PRKAA2: variants seen among roughly 807,000 people sequenced by gnomAD.
PRKAA2 encodes the protein protein kinase AMP-activated catalytic subunit alpha 2.
PRKAA2 carries 40 observed loss-of-function variants against 56.3 expected under a neutral mutation model. That is an observed-to-expected ratio of 0.71 (90% CI 0.55 to 0.92). The LOEUF (loss-of-function observed/expected upper bound fraction) is 0.92. Ranked by LOEUF, PRKAA2 falls within the 40% of genes least tolerant of loss-of-function variation. The pLI is 0.00. For missense variants in PRKAA2, 542 were observed against 686.9 expected, an observed-to-expected ratio of 0.79 and a Z score of 2.36; for synonymous variants, 214 against 234.2, an observed-to-expected ratio of 0.91 and a Z score of 0.79.
rs1643971052 is a variant in PRKAA2 at position 56,659,066 on chromosome 1, G to A, written c.94+13585G>A. ...GATCCTCTCGCCTGGGCCTCCCAAA[G>A]TGCTTGGATTACAGGCATGAACCAC... On this transcript the variant is annotated intron_variant, in intron 1 of 8. Coordinates refer to ENST00000371244, the MANE Select transcript of PRKAA2 (RefSeq NM_006252.4). Among the ~76,000 whole-genome samples, 3 of 151,096 alleles carry A rather than the reference G, an allele frequency of 2.0e-5. No homozygotes were observed. In the South Asian group the frequency reaches 6.3e-4, roughly 32 times the overall value.
chr1:56,698,625 A>G (rs1644274486), intron 6 of PRKAA2, among the ~76,000 whole-genome samples: 1 of 152,220 alleles, frequency 6.6e-6, no homozygotes, highest in Admixed American at 6.5e-5. Context: ...AAATTGTTAC[A>G]TCAGTTCTGT....
intron 1 of PRKAA2, among the ~76,000 whole-genome samples, chr1:56,662,154 T>G (rs910687575): frequency 4.6e-5 from 7 of 152,140 alleles, no homozygotes; most frequent in African/African-American, 1.7e-4. Context: ...GTCTTACATA[T>G]AGTCATTTGT....
chr1:56,673,545 G>C (rs867167227), intron 1 of PRKAA2, among the ~76,000 whole-genome samples: 3 of 152,128 alleles, frequency 2.0e-5, no homozygotes, highest in Admixed American at 1.3e-4. Flanking sequence ...TGACAAATTT[G>C]TTCTTCGACT....
intron 7 of PRKAA2, among the ~76,000 whole-genome samples, chr1:56,705,048 TATTTGA>T (rs954753156): frequency 1.1e-4 from 16 of 152,220 alleles, no homozygotes; most frequent in Admixed American, 6.5e-4. Flanking sequence ...ATTTGAGTTC[TATTTGA>T]ATATATGTGT....
At chr1:56,669,371 A>G (rs746247835) in intron 1 of PRKAA2, among the ~76,000 whole-genome samples, 1 of 152,024 alleles carries the variant, frequency 6.6e-6, no homozygotes, top group Non-Finnish European at 1.5e-5. Flanking sequence ...AGGCAGGAGA[A>G]TCACTTGAAC....
chr1:56,705,735 C>T (rs1178440677), intron 7 of PRKAA2, among the ~76,000 whole-genome samples: 1 of 152,178 alleles, frequency 6.6e-6, no homozygotes, highest in Non-Finnish European at 1.5e-5. Context: ...CATCCATGAA[C>T]ATGTTCAGGC....
intron 1 of PRKAA2, among the ~76,000 whole-genome samples, chr1:56,672,162 G>A (rs1288347262): frequency 2.0e-5 from 3 of 152,112 alleles, no homozygotes; most frequent in Non-Finnish European, 4.4e-5. Context: ...CTGTCACCCA[G>A]GCTGTATTGC....
At chr1:56,656,853 G>A (rs1227619239) in intron 1 of PRKAA2, among the ~76,000 whole-genome samples, 1 of 152,158 alleles carries the variant, frequency 6.6e-6, no homozygotes, top group Non-Finnish European at 1.5e-5. Flanking sequence ...TAAAACTGAT[G>A]TAACATTACC....
At chr1:56,694,719 G>A (rs1644247927) in intron 5 of PRKAA2, among the ~76,000 whole-genome samples, 1 of 152,002 alleles carries the variant, frequency 6.6e-6, no homozygotes, top group East Asian at 1.9e-4. Context: ...CTCTGCACTA[G>A]TGACCTAATC....
At chr1:56,678,990 A>G (rs540590169) in intron 2 of PRKAA2, among the ~76,000 whole-genome samples, 194 of 152,268 alleles carry the variant, frequency 1.3e-3, no homozygotes, top group African/African-American at 4.5e-3. Context: ...CACCATGCCC[A>G]GCCTAATTCT....
At chr1:56,677,704 T>C (rs1644123392) in intron 2 of PRKAA2, among the ~76,000 whole-genome samples, 1 of 150,980 alleles carries the variant, frequency 6.6e-6, no homozygotes, top group South Asian at 2.1e-4. Flanking sequence ...TTGCCCAGGC[T>C]GGAGTGCAGT....
chr1:56,645,740 A>G (rs1646635291), intron 1 of PRKAA2, among the ~76,000 whole-genome samples: 1 of 152,044 alleles, frequency 6.6e-6, no homozygotes, highest in African/African-American at 2.4e-5. Flanking sequence ...TTCCGCGCCC[A>G]TCTGCCTTTC....
chr1:56,699,188 A>G, intron 6 of PRKAA2, among the ~76,000 whole-genome samples: 1 of 152,212 alleles, frequency 6.6e-6, no homozygotes. Context: ...TGTCTAGAAC[A>G]TAATATTAGC....
intron 6 of PRKAA2, among the ~76,000 whole-genome samples, chr1:56,700,122 C>T (rs1009294079): frequency 5.3e-5 from 8 of 151,998 alleles, no homozygotes; most frequent in South Asian, 2.1e-4. Context: ...TTATAATTGT[C>T]GTATGTTGTT....
At position 56,711,357 on chromosome 1, in the gene PRKAA2, C is replaced by G. The variant is rs1644367756; in HGVS notation, c.*3644C>G. 6.6e-6 allele frequency: 1 copy of G among 152,056 alleles called. No individual in the cohort carries two copies. The highest frequency in any genetic ancestry group is 2.4e-5 in the African/African-American group (1 of 41,402). The allele number at this position is 152,056 out of a possible 1,614,324, so 9.4% of individuals were successfully genotyped here. The stretch of plus-strand genomic sequence containing the variant: ...TTGATCTGTTTGGATTTATCTGTAG[C>G]ATTGAATAATGTGCAGTGTACTGAG... On this transcript the variant is annotated 3_prime_UTR_variant, in exon 9 of 9. Transcript: ENST00000371244.
chr1:56,697,005 G>T (rs529513742), intron 6 of PRKAA2, among the ~76,000 whole-genome samples: 1 of 27,540 alleles, frequency 3.6e-5, no homozygotes, highest in African/African-American at 1.2e-4. Context: ...TCATTAGCCA[G>T]CAAAGAATTT....
At position 56,658,356 on chromosome 1, in the gene PRKAA2, T is replaced by C. The variant is rs548595986; in HGVS notation, c.94+12875T>C. Among the ~76,000 whole-genome samples, 8 of 152,122 alleles carry C rather than the reference T, an allele frequency of 5.3e-5. No individual in the cohort carries two copies. The East Asian group carries it at 1.4e-3, about 26-fold the overall frequency. ...TAAAGGAGGACGAGTAAGAAGGAGA[T>C]GAAGCATGTGGAATAAGAGAGACAA... On this transcript the variant is annotated intron_variant, in intron 1 of 8. Coordinates refer to ENST00000371244, the MANE Select transcript of PRKAA2 (RefSeq NM_006252.4).
chr1:56,688,927 T>A (rs1004639156), intron 2 of PRKAA2, among the ~76,000 whole-genome samples: 7 of 152,344 alleles, frequency 4.6e-5, no homozygotes, highest in Admixed American at 4.6e-4. Flanking sequence ...AATAGCTTAG[T>A]GCCTGGCAGA....
rs1394632782 is a variant in PRKAA2, at chr1:56,704,206, C to T, written c.1024C>T (p.Leu342Phe). 2 of 1,614,008 alleles carry T rather than the reference C, an allele frequency of 1.2e-6. No individual in the cohort carries two copies. Among genetic ancestry groups the T allele is most frequent in the Non-Finnish European group, 1.7e-6 (2 of 1,180,020 alleles). ...AATGAACCAAGCCAGTGAGTTCTAC[C>T]TCGCCTCTAGTCCTCCATCTGGTTC... is the stretch of plus-strand genomic sequence containing the variant. ...RIMNQASEFYLASSPPSGSFM... is the reference protein window; with the variant it reads ...RIMNQASEFYFASSPPSGSFM... Residue 342 changes from leucine to phenylalanine, a missense_variant, in exon 7 of 9, where the codon CTC (leucine) becomes TTC (phenylalanine). Physicochemically the swap from Leu to Phe is conservative, Grantham distance 22 (BLOSUM62 0). Transcript: ENST00000371244.
Sources: gnomAD v4.1 joint callset for allele counts (sites outside exome capture counted in the v4.1 genomes callset) on GRCh38, gnomAD v4.1.1 for gene constraint, MANE v1.5 for transcripts, NCBI Gene and HGNC (gene_info 2026-07-23, HGNC 2026-07-21) for gene names.